The following DPP6 variants were observed in gnomAD, a reference collection of about 807,000 sequenced individuals.
The protein encoded by DPP6 is dipeptidyl peptidase like 6.
DPP6 carries 69 observed loss-of-function variants against 122.6 expected under a neutral mutation model. The ratio of observed to expected loss-of-function variants is 0.56; its 90% CI spans 0.46 to 0.69. The LOEUF (loss-of-function observed/expected upper bound fraction) is 0.69, where lower values mean the gene tolerates loss of function less well. Ranked by LOEUF, DPP6 falls within the 30% of genes least tolerant of loss-of-function variation. The pLI is 0.00. For missense variants in DPP6, 928 were observed against 1,116.9 expected (o/e 0.83, Z 2.41); for synonymous variants, 418 against 433.1 (o/e 0.97, Z 0.43).
At chr7:153,897,145 C>CT (rs1326786138) in intron 1 of DPP6, among the ~76,000 whole-genome samples, 3 of 152,210 alleles carry the variant, frequency 2.0e-5, no homozygotes, top group African/African-American at 7.2e-5. Context: ...GATATTAGTT[C>CT]TTTTTTTATG....
chr7:154,319,135 A>T (rs1807695821), intron 1 of DPP6, among the ~76,000 whole-genome samples: 1 of 152,212 alleles, frequency 6.6e-6, no homozygotes, highest in Admixed American at 6.5e-5. Context: ...TGTCCTCATG[A>T]ACTTCTCCAA....
At chr7:154,240,316 G>T (rs1219346690) in intron 1 of DPP6, among the ~76,000 whole-genome samples, 2 of 152,136 alleles carry the variant, frequency 1.3e-5, no homozygotes, top group Non-Finnish European at 2.9e-5. Flanking sequence ...AATGCTGCAT[G>T]CATCAAAATC....
intron 1 of DPP6, among the ~76,000 whole-genome samples, chr7:154,074,076 G>T (rs56160837): frequency 1.8e-4 from 24 of 130,078 alleles, no homozygotes; most frequent in East Asian, 6.8e-4. Flanking sequence ...TATACATATA[G>T]AGAGAGATAT....
intron 1 of DPP6, among the ~76,000 whole-genome samples, chr7:154,324,003 A>G (rs1808201032): frequency 6.6e-6 from 1 of 152,240 alleles, no homozygotes; most frequent in African/African-American, 2.4e-5. Context: ...ATATTTTCCA[A>G]TGACACTTAA....
intron 1 of DPP6, among the ~76,000 whole-genome samples, chr7:154,323,782 G>A (rs114430501): frequency 0.021 from 3,258 of 152,226 alleles, 110 homozygotes; most frequent in African/African-American, 0.075. Context: ...TCCCATAGAG[G>A]TTCTGAGTCT....
intron 6 of DPP6, among the ~76,000 whole-genome samples, chr7:154,644,864 A>G (rs58974557): frequency 0.037 from 5,680 of 152,054 alleles, 198 homozygotes; most frequent in East Asian, 0.21. Flanking sequence ...GCACACCGCC[A>G]TGCCTGGCTA....
chr7:154,064,859 C>A (rs1802572724), intron 1 of DPP6, among the ~76,000 whole-genome samples: 1 of 152,198 alleles, frequency 6.6e-6, no homozygotes, highest in African/African-American at 2.4e-5. Flanking sequence ...TTGTCAGAGC[C>A]TGCACCGCAA....
rs1347816459 is a variant in DPP6 at position 154,624,067 on chromosome 7, C to G, written c.628-13754C>G. On this transcript the variant is annotated intron_variant, in intron 5 of 25. Coordinates refer to ENST00000377770, the MANE Select transcript of DPP6 (RefSeq NM_130797.4). The surrounding 1 kb of genome is among the most constrained non-coding windows in gnomAD (Gnocchi z 4.7). The stretch of plus-strand genomic sequence containing the variant: ...AAATTAGGCCGGGTGTAGTGGCTCA[C>G]GCCAGTAATCCCAGCATTTGGAGAG... 2.0e-5 allele frequency among the ~76,000 whole-genome samples: 3 copies of G among 151,934 alleles called. No individual in the cohort carries two copies. Among genetic ancestry groups the G allele is most frequent in the Non-Finnish European group, 4.4e-5 (3 of 67,992 alleles).
At chr7:154,187,127 T>A (rs1798388988) in intron 1 of DPP6, among the ~76,000 whole-genome samples, 1 of 152,228 alleles carries the variant, frequency 6.6e-6, no homozygotes, top group Non-Finnish European at 1.5e-5. Context: ...GCTTTGAAGA[T>A]GGTAAGCATA....
chr7:154,488,526 G>A (rs1389088064), intron 3 of DPP6, among the ~76,000 whole-genome samples: 1 of 151,554 alleles, frequency 6.6e-6, no homozygotes, highest in Admixed American at 6.6e-5. Flanking sequence ...GCTTTAACTG[G>A]GACTCTCTAA....
At chr7:154,396,016 A>G (rs1025073152) in intron 1 of DPP6, among the ~76,000 whole-genome samples, 1 of 151,226 alleles carries the variant, frequency 6.6e-6, no homozygotes, top group African/African-American at 2.4e-5. Context: ...AATTGAGATT[A>G]TTACATTGAT....
At chr7:154,075,963 A>G (rs533585144) in intron 1 of DPP6, among the ~76,000 whole-genome samples, 2 of 151,872 alleles carry the variant, frequency 1.3e-5, no homozygotes, top group African/African-American at 4.8e-5. Context: ...ATGTATATGC[A>G]TATACCACTT....
At position 154,498,245 on chromosome 7, in the gene DPP6, G is replaced by A. The variant is rs540122722; in HGVS notation, c.457+23208G>A. Among the ~76,000 whole-genome samples the A allele has an allele frequency of 2.0e-5, 3 of 152,264 alleles. No individual in the cohort carries two copies. In the South Asian group the frequency reaches 6.2e-4, roughly 32 times the overall value. On this transcript the variant is annotated intron_variant, in intron 3 of 25. Coordinates refer to ENST00000377770, the MANE Select transcript of DPP6 (RefSeq NM_130797.4). Reference sequence around the variant, plus strand: ...GTGAGGTACTTGGACTGAGCGAGGTGGAAGGTAATAGAATCCCAAATAATT... The same window carrying A: ...GTGAGGTACTTGGACTGAGCGAGGTAGAAGGTAATAGAATCCCAAATAATT...
intron 8 of DPP6, among the ~76,000 whole-genome samples, chr7:154,743,766 C>T (rs977933298): frequency 5.3e-5 from 8 of 151,478 alleles, no homozygotes; most frequent in Admixed American, 1.3e-4. Context: ...GGGGTATATA[C>T]GCAGGGGATT....
intron 10 of DPP6, among the ~76,000 whole-genome samples, chr7:154,789,353 T>C (rs1213611054): frequency 6.6e-6 from 1 of 152,230 alleles, no homozygotes; most frequent in African/African-American, 2.4e-5. Context: ...TTTCCAAATC[T>C]GTGGCTGGTG....
At position 154,759,364 on chromosome 7, in the gene DPP6, T is replaced by C. The variant is rs1229817300; in HGVS notation, c.884-10053T>C. On this transcript the variant is annotated intron_variant, in intron 8 of 25. Transcript: ENST00000377770. The stretch of plus-strand genomic sequence containing the variant: ...GGGAAGGGAGAAGGAGGGTGAGCAG[T>C]GAGGCTTCTCAATCACACAACTCAA... Among the ~76,000 whole-genome samples the C allele has an allele frequency of 3.3e-5, 5 of 152,312 alleles. No individual in the cohort carries two copies. In the South Asian group the frequency reaches 1.0e-3, roughly 32 times the overall value.
chr7:154,258,096 G>T (rs1330761976), intron 1 of DPP6, among the ~76,000 whole-genome samples: 1 of 145,180 alleles, frequency 6.9e-6, no homozygotes, highest in Non-Finnish European at 1.5e-5. Flanking sequence ...GGAACTTAAA[G>T]AAAGTGAGCA....
chr7:153,795,330 G>A, the DPP6 span, among the ~76,000 whole-genome samples: 1 of 152,204 alleles, frequency 6.6e-6, no homozygotes, highest in Non-Finnish European at 1.5e-5. Context: ...CAGGGGAACT[G>A]CTTGAATCCA....
intron 1 of DPP6, among the ~76,000 whole-genome samples, chr7:153,990,350 C>T (rs1454820273): frequency 1.9e-5 from 2 of 103,812 alleles, no homozygotes; most frequent in Non-Finnish European, 3.7e-5. Context: ...GCCTCCGAGA[C>T]ATCCTTCTGC....
Sources: gnomAD v4.1 joint callset for allele counts (sites outside exome capture counted in the v4.1 genomes callset) on GRCh38, gnomAD v4.1.1 for gene constraint, Gnocchi (gnomAD v3.1) non-coding constraint, MANE v1.5 for transcripts, NCBI Gene and HGNC (gene_info 2026-07-23, HGNC 2026-07-21) for gene names.